FMNL2: variants seen among roughly 807,000 people sequenced by gnomAD.
FMNL2 encodes formin like 2.
FMNL2 carries 51 observed loss-of-function variants against 130.2 expected under a neutral mutation model. The ratio of observed to expected loss-of-function variants is 0.39; its 90% CI spans 0.31 to 0.49. FMNL2 has a LOEUF of 0.49. Among genes scored for constraint, FMNL2 ranks in the 20% least tolerant of loss-of-function variants. The pLI, the probability that FMNL2 is intolerant of heterozygous loss-of-function variation, is 0.85. For missense variants in FMNL2, 977 were observed against 1,316.2 expected (o/e 0.74, Z 3.99); for synonymous variants, 465 against 467.1 (o/e 1.00, Z 0.06).
At chr2:152,348,285 A>C (rs545785336) in intron 1 of FMNL2, among the ~76,000 whole-genome samples, 2 of 152,176 alleles carry the variant, frequency 1.3e-5, no homozygotes, top group Non-Finnish European at 1.5e-5. Flanking sequence ...TGCTCATTAC[A>C]TTCTTAGCCA....
At chr2:152,446,248 C>T (rs942134068) in intron 1 of FMNL2, among the ~76,000 whole-genome samples, 1 of 152,082 alleles carries the variant, frequency 6.6e-6, no homozygotes, top group African/African-American at 2.4e-5. Flanking sequence ...ATGGCAAAAT[C>T]ATTTTTAATA....
At chr2:152,642,960 G>A (rs1395959059) in intron 25 of FMNL2, among the ~76,000 whole-genome samples, 1 of 152,084 alleles carries the variant, frequency 6.6e-6, no homozygotes, top group African/African-American at 2.4e-5. Context: ...AGTGAGCTGA[G>A]ATCATGCCAC....
At chr2:152,578,690 C>G (rs555109194) in intron 7 of FMNL2, 198 bp from the exon 8 acceptor site, 1 of 359,666 alleles carries the variant, frequency 2.8e-6, no homozygotes, top group South Asian at 3.7e-5. Context: ...AGGCACAAAT[C>G]ATTGCATCTG....
intron 25 of FMNL2, among the ~76,000 whole-genome samples, chr2:152,642,222 G>A (rs1683154276): frequency 6.6e-6 from 1 of 152,324 alleles, no homozygotes; most frequent in East Asian, 1.9e-4. Context: ...TTACAGGCGT[G>A]AGCCACCATG....
At chr2:152,595,579 A>G (rs1253081682) in intron 9 of FMNL2, among the ~76,000 whole-genome samples, 2 of 152,076 alleles carry the variant, frequency 1.3e-5, no homozygotes, top group Non-Finnish European at 2.9e-5. Context: ...TTGGCCTCCC[A>G]AAGTGCTAAG....
At chr2:152,459,484 T>A (rs779513059) in intron 1 of FMNL2, among the ~76,000 whole-genome samples, 1 of 152,236 alleles carries the variant, frequency 6.6e-6, no homozygotes, top group Non-Finnish European at 1.5e-5. Context: ...TTTTGGGATC[T>A]TATAGCATAA....
At chr2:152,458,963 G>A (rs1373307708) in intron 1 of FMNL2, among the ~76,000 whole-genome samples, 2 of 152,230 alleles carry the variant, frequency 1.3e-5, no homozygotes, top group East Asian at 3.8e-4. Flanking sequence ...ACCAACTGCT[G>A]AGTGTGAAAA....
chr2:152,365,414 T>C (rs1003732734), intron 1 of FMNL2, among the ~76,000 whole-genome samples: 5 of 152,194 alleles, frequency 3.3e-5, no homozygotes, highest in African/African-American at 9.7e-5. Flanking sequence ...ACTTATGTTT[T>C]AGAAATGTTA....
chr2:152,460,961 A>G (rs1365657646), intron 1 of FMNL2, among the ~76,000 whole-genome samples: 1 of 152,180 alleles, frequency 6.6e-6, no homozygotes, highest in East Asian at 1.9e-4. Context: ...ATGTACTTGA[A>G]TCATCCCCAA....
chr2:152,645,538 C>T, intron 25 of FMNL2: 1 of 1,284,112 alleles, frequency 7.8e-7, no homozygotes, highest in Non-Finnish European at 1.0e-6. Flanking sequence ...GCAAGCATCA[C>T]TTTTTACTTA....
At chr2:152,599,653 C>T (rs543685499) in intron 9 of FMNL2, among the ~76,000 whole-genome samples, 58 of 152,148 alleles carry the variant, frequency 3.8e-4, no homozygotes, top group Middle Eastern at 3.5e-3. Context: ...CTGAAGTTTT[C>T]ACAAGGGTGT....
chr2:152,527,857 T>C (rs181267950), intron 2 of FMNL2, among the ~76,000 whole-genome samples: 1 of 152,304 alleles, frequency 6.6e-6, no homozygotes, highest in East Asian at 1.9e-4. Context: ...AACTTGTATC[T>C]TCTTTGCCCA....
At chr2:152,403,752 A>C (rs893523029) in intron 1 of FMNL2, among the ~76,000 whole-genome samples, 1 of 152,240 alleles carries the variant, frequency 6.6e-6, no homozygotes, top group East Asian at 1.9e-4. Context: ...CTCTAAAATG[A>C]TCTTTAGCTA....
intron 9 of FMNL2, among the ~76,000 whole-genome samples, chr2:152,597,704 A>T (rs1407901917): frequency 6.6e-6 from 1 of 152,214 alleles, no homozygotes; most frequent in African/African-American, 2.4e-5. Context: ...TAGTAGTATT[A>T]TACAAATAAT....
chr2:152,591,973 C>T (rs972859798), intron 9 of FMNL2, among the ~76,000 whole-genome samples: 2 of 152,018 alleles, frequency 1.3e-5, no homozygotes, highest in Admixed American at 6.6e-5. Context: ...TGTGGTGGCA[C>T]GTGCCTGTAG....
At chr2:152,569,959 C>T (rs1696085657) in intron 6 of FMNL2, among the ~76,000 whole-genome samples, 1 of 148,360 alleles carries the variant, frequency 6.7e-6, no homozygotes, top group South Asian at 2.1e-4. Context: ...TGCAGTGAGC[C>T]AAGAGTGCAT....
At chr2:152,433,077 A>G (rs1177718634) in intron 1 of FMNL2, among the ~76,000 whole-genome samples, 2 of 152,136 alleles carry the variant, frequency 1.3e-5, no homozygotes, top group East Asian at 3.9e-4. Context: ...CATTTCCCAG[A>G]ACTGATCCAG....
At chr2:152,435,585 GA>G (rs201076324) in intron 1 of FMNL2, among the ~76,000 whole-genome samples, 3,683 of 134,402 alleles carry the variant, frequency 0.027, 124 homozygotes, top group African/African-American at 0.091. Flanking sequence ...ATAAATGGCT[GA>G]AAAAAAAAAA....
At chr2:152,600,816 G>T (rs118150583) in intron 9 of FMNL2, among the ~76,000 whole-genome samples, 34 of 151,792 alleles carry the variant, frequency 2.2e-4, no homozygotes, top group Admixed American at 2.1e-3. Flanking sequence ...AGTGGCCCAC[G>T]TTATCTGTGC....
Sources: gnomAD v4.1 joint callset for allele counts (sites outside exome capture counted in the v4.1 genomes callset) on GRCh38, gnomAD v4.1.1 for gene constraint, MANE v1.5 for transcripts, NCBI Gene and HGNC (gene_info 2026-07-23, HGNC 2026-07-21) for gene names.